The following CACNG7 variants were observed in gnomAD, a reference collection of about 807,000 sequenced individuals.
CACNG7 encodes voltage-dependent calcium channel gamma-7 subunit.
CACNG7 carries 9 observed loss-of-function variants against 26.3 expected under a neutral mutation model. That is an observed-to-expected ratio of 0.34 (90% CI 0.21 to 0.60). The LOEUF (loss-of-function observed/expected upper bound fraction) is 0.60. CACNG7 is among the 20% of genes least tolerant of loss of function. The probability of loss-of-function intolerance (pLI) is 0.81; values close to 1 mark genes in which losing one functional copy is unlikely to be tolerated. For synonymous variants in CACNG7, 170 were observed against 157.0 expected (o/e 1.08, Z -0.62); for missense variants, 297 against 380.4 (o/e 0.78, Z 1.82).
At chr19:53,914,283 A>AAAAAAG (rs1299814726) in intron 2 of CACNG7, among the ~76,000 whole-genome samples, 6 of 137,286 alleles carry the variant, frequency 4.4e-5, no homozygotes, top group African/African-American at 1.7e-4. Flanking sequence ...CAAAAAAAAA[A>AAAAAAG]AAAAGAAAAA....
chr19:53,929,495 C>T (rs371308609), intron 4 of CACNG7, among the ~76,000 whole-genome samples: 3 of 152,128 alleles, frequency 2.0e-5, no homozygotes, highest in Admixed American at 1.3e-4. Context: ...CTCGCTCTGT[C>T]GCCCAGGCTG....
intron 5 of CACNG7, 175 bp downstream of exon 5, chr19:53,941,790 A>G (rs2069138993): frequency 1.1e-6 from 1 of 909,634 alleles, no homozygotes; most frequent in African/African-American, 1.7e-5. Context: ...GAGAGCTCCA[A>G]CTTTTGGGAT....
chr19:53,930,366 G>C (rs573108957), intron 4 of CACNG7, among the ~76,000 whole-genome samples: 1 of 151,532 alleles, frequency 6.6e-6, no homozygotes, highest in African/African-American at 2.4e-5. Context: ...GCACCACTAC[G>C]CCAGGCTAAT....
chr19:53,916,487 C>CTTTTTTTTTTTTTTT (rs397706471), intron 4 of CACNG7, among the ~76,000 whole-genome samples: 1 of 95,458 alleles, frequency 1.0e-5, no homozygotes, highest in Non-Finnish European at 2.0e-5. Context: ...TTCTTTCTTT[C>CTTTTTTTTTTTTTTT]TTTTTTTTTT....
At chr19:53,941,991 T>A in intron 5 of CACNG7, 45 bp from the exon 6 acceptor site, 1 of 1,526,562 alleles carries the variant, frequency 6.6e-7, no homozygotes, top group Non-Finnish European at 8.8e-7. Flanking sequence ...GGTCCGGGGA[T>A]GCGCAGGGGG....
chr19:53,922,392 GT>G (rs1397537293), intron 4 of CACNG7, among the ~76,000 whole-genome samples: 1 of 115,982 alleles, frequency 8.6e-6, no homozygotes, highest in South Asian at 3.1e-4. Context: ...TGGTGGAGTT[GT>G]CCCCAGGCCT....
chr19:53,937,582 C>A, intron 4 of CACNG7, among the ~76,000 whole-genome samples: 1 of 9,392 alleles, frequency 1.1e-4, no homozygotes, highest in African/African-American at 5.1e-4. Flanking sequence ...CCCTTCCCTC[C>A]CCTCCCCTCC....
rs541070170 is a variant in CACNG7, at chr19:53,916,882, C to T, written c.424+1377C>T. 2.0e-4 allele frequency among the ~76,000 whole-genome samples: 30 copies of T among 151,558 alleles called. No individual in the cohort carries two copies. In the South Asian group the frequency reaches 3.7e-3, roughly 19 times the overall value. ...GCGTGATCTCGGCCCATTGCAACCTCTGCCTCCCGGGTTCAAGCGATTCTC... is the reference window on the plus strand; with the variant it reads ...GCGTGATCTCGGCCCATTGCAACCTTTGCCTCCCGGGTTCAAGCGATTCTC... On this transcript the variant is annotated intron_variant, in intron 4 of 5. Coordinates refer to ENST00000391767, the MANE Select transcript of CACNG7 (RefSeq NM_031896.5).
At chr19:53,911,684 A>G (rs867857518) in intron 1 of CACNG7, among the ~76,000 whole-genome samples, 3 of 152,278 alleles carry the variant, frequency 2.0e-5, no homozygotes, top group African/African-American at 7.2e-5. Context: ...GGCCAGGGTG[A>G]TGGTGCCCGT....
At position 53,915,102 on chromosome 19, in the gene CACNG7, C is replaced by G. The variant is rs577084247; in HGVS notation, c.284-263C>G. Among the ~76,000 whole-genome samples, 505 of 151,574 alleles carry G rather than the reference C, an allele frequency of 3.3e-3. 1 individual carries two copies. Among genetic ancestry groups the G allele is most frequent in the Non-Finnish European group, 5.3e-3 (357 of 67,912 alleles). On this transcript the variant is annotated intron_variant, in intron 3 of 5. Coordinates refer to ENST00000391767, the MANE Select transcript of CACNG7 (RefSeq NM_031896.5). ...AGAGCAAGGTTGAAGGGGTGAGGTC[C>G]GGTTGGTGAGGAGCGGTCAATCAGA... is the stretch of plus-strand genomic sequence containing the variant.
chr19:53,922,355 GGTGGAGTTGTCCCCAGGCCTGGTCA>G (rs1427081617), intron 4 of CACNG7, among the ~76,000 whole-genome samples: 234 of 113,402 alleles, frequency 2.1e-3, no homozygotes, highest in African/African-American at 8.1e-3. Context: ...CCTGGTCATT[GGTGGAGTTGTCCCCAGGCCTGGTCA>G]TTGGTGGAGT....
Position 53,935,461 on chromosome 19 carries a change from T to TCCCAA in CACNG7, c.425-6009_425-6008insCCCAA, listed in dbSNP as rs1325820772. ...CCTCAGCCTCCCAAATAGCTGGAACTACAGGCTAATGCCACCACGCCTGGC... is the reference window on the plus strand; with the variant it reads ...CCTCAGCCTCCCAAATAGCTGGAACTCCCAAACAGGCTAATGCCACCACGCCTGGC... On this transcript the variant is annotated intron_variant, in intron 4 of 5. Coordinates refer to ENST00000391767, the MANE Select transcript of CACNG7 (RefSeq NM_031896.5). Among the ~76,000 whole-genome samples, 7 of 151,922 alleles carry TCCCAA rather than the reference T, an allele frequency of 4.6e-5. No individual in the cohort carries two copies. The East Asian group carries it at 1.4e-3, about 29-fold the overall frequency.
intron 4 of CACNG7, among the ~76,000 whole-genome samples, chr19:53,929,418 T>G (rs917983987): frequency 6.6e-6 from 1 of 152,082 alleles, no homozygotes; most frequent in Admixed American, 6.6e-5. Flanking sequence ...TCAGGTGCAT[T>G]TTCACCATGT....
At position 53,941,487 on chromosome 19, in the gene CACNG7, G is replaced by A; in HGVS notation, c.442G>A (p.Gly148Ser). Residue 148 changes from glycine (G) to serine (S), a missense_variant, in exon 5 of 6, where the codon GGC becomes AGC. Gly to Ser is a moderately conservative substitution (Grantham distance 56). Coordinates refer to ENST00000391767, the MANE Select transcript of CACNG7 (RefSeq NM_031896.5). ...TCCCCTAGGCCTCTCCTTGGTGGTGGGCTTGGTTCTTTACATCTCCAGCAT... is the reference window on the plus strand; with the variant it reads ...TCCCCTAGGCCTCTCCTTGGTGGTGAGCTTGGTTCTTTACATCTCCAGCAT... ...FILSGLSLVV[G>S]LVLYISSIND... The A allele has an allele frequency of 1.3e-6, 2 of 1,578,692 alleles. No individual in the cohort carries two copies. The highest frequency in any genetic ancestry group is 1.7e-6 in the Non-Finnish European group (2 of 1,166,918).
chr19:53,927,862 A>C (rs189036100), intron 4 of CACNG7, among the ~76,000 whole-genome samples: 1 of 151,908 alleles, frequency 6.6e-6, no homozygotes, highest in East Asian at 1.9e-4. Context: ...AAGGAAAGAA[A>C]AAAAGAAGGC....
chr19:53,909,422 A>C lies in CACNG7; in HGVS notation c.-125A>C. ...GGGGCGGGGGGCGCGGGCACCGGCG[A>C]CCCCGGTGGCGGCGGCGGCGGCCGG... On this transcript the variant is annotated 5_prime_UTR_variant, in exon 1 of 6. Transcript: ENST00000391767. This position sits in a 1 kb window ranked among gnomAD's most constrained non-coding sequence, Gnocchi z 5.1. The C allele has an allele frequency of 1.4e-5, 2 of 146,144 alleles. No homozygotes were observed. Among genetic ancestry groups the C allele is most frequent in the African/African-American group, 2.5e-5 (1 of 40,064 alleles). The allele number at this position is 146,144 out of a possible 1,614,324, so 9.1% of individuals were successfully genotyped here.
intron 4 of CACNG7, among the ~76,000 whole-genome samples, chr19:53,926,355 A>T (rs946107782): frequency 2.0e-5 from 3 of 151,708 alleles, no homozygotes; most frequent in African/African-American, 7.3e-5. Context: ...GAAAATGCTA[A>T]TCACAGCCTC....
In CACNG7 at chr19:53,912,710, C is replaced by G. The variant is rs554604263; in HGVS notation, c.-29-93C>G. 2 of 992,180 alleles carry G rather than the reference C, an allele frequency of 2.0e-6. No individual in the cohort carries two copies. Among genetic ancestry groups the G allele is most frequent in the South Asian group, 2.7e-5 (2 of 73,336 alleles). 61.5% of individuals were successfully genotyped at this position (992,180 alleles called of 1,614,324 possible). On this transcript the variant is annotated intron_variant, in intron 1 of 5. Transcript: ENST00000391767. This position sits in a 1 kb window ranked among gnomAD's most constrained non-coding sequence, Gnocchi z 4.6. The stretch of plus-strand genomic sequence containing the variant: ...GAGATTTCGATTTGGGAGTCAGTGT[C>G]TCTGGCTAGGGCCCAGCATCCCGGG...
chr19:53,914,399 C>G (rs1001310133), intron 2 of CACNG7, 101 bp from the exon 3 acceptor site: 2 of 915,050 alleles, frequency 2.2e-6, no homozygotes, highest in East Asian at 2.6e-5. Flanking sequence ...GCCTTGCTCC[C>G]CCATCCTGGG....
Sources: allele counts gnomAD v4.1 joint callset (sites outside exome capture counted in the v4.1 genomes callset), GRCh38; gene constraint gnomAD v4.1.1; non-coding constraint Gnocchi (gnomAD v3.1); transcripts MANE v1.5; gene names NCBI Gene and HGNC (gene_info 2026-07-23, HGNC 2026-07-21).